THSD7A: variants seen among roughly 807,000 people sequenced by gnomAD.
THSD7A encodes the protein thrombospondin type-1 domain-containing protein 7A.
In THSD7A, 96 loss-of-function variants were observed where a neutral mutation model predicts 231.3. The ratio of observed to expected loss-of-function variants is 0.41; its 90% CI spans 0.35 to 0.49. The LOEUF is 0.49. Among genes scored for constraint, THSD7A ranks in the 20% least tolerant of loss-of-function variants. The pLI is 0.05. For synonymous variants in THSD7A, 940 were observed against 743.3 expected, an observed-to-expected ratio of 1.26 and a Z score of -4.30; for missense variants, 2,290 against 2,070.2, an observed-to-expected ratio of 1.11 and a Z score of -2.06.
chr7:11,716,548 G>A (rs1216670866), intron 1 of THSD7A, among the ~76,000 whole-genome samples: 1 of 151,496 alleles, frequency 6.6e-6, no homozygotes, highest in African/African-American at 2.4e-5. Context: ...TGGTAACTTG[G>A]AACTCAGCTC....
chr7:11,447,109 A>G, intron 12 of THSD7A, 121 bp downstream of exon 12: 1 of 915,112 alleles, frequency 1.1e-6, no homozygotes, highest in Non-Finnish European at 1.6e-6. Context: ...AATTTAAAAT[A>G]TACATCTAAA....
At chr7:11,503,450 T>C (rs1402974492) in intron 6 of THSD7A, among the ~76,000 whole-genome samples, 1 of 152,026 alleles carries the variant, frequency 6.6e-6, no homozygotes, top group Non-Finnish European at 1.5e-5. Context: ...AAGCAAACAT[T>C]GACAAATGGG....
intron 1 of THSD7A, among the ~76,000 whole-genome samples, chr7:11,642,844 A>T (rs892447198): frequency 2.0e-5 from 3 of 152,042 alleles, no homozygotes; most frequent in African/African-American, 7.2e-5. Context: ...TATCCTCTTG[A>T]TATCGTTCAA....
chr7:11,469,063 T>C (rs1376668511), intron 9 of THSD7A, among the ~76,000 whole-genome samples: 2 of 152,130 alleles, frequency 1.3e-5, no homozygotes, highest in Admixed American at 6.6e-5. Flanking sequence ...AAGCTAGAAG[T>C]TGACTCTTAA....
At chr7:11,416,652 T>C (rs1783969091) in intron 17 of THSD7A, among the ~76,000 whole-genome samples, 1 of 152,228 alleles carries the variant, frequency 6.6e-6, no homozygotes, top group Non-Finnish European at 1.5e-5. Context: ...TTTGAAATGG[T>C]TTTATATTGT....
intron 4 of THSD7A, among the ~76,000 whole-genome samples, chr7:11,584,570 A>G (rs912650251): frequency 6.6e-6 from 1 of 152,170 alleles, no homozygotes; most frequent in Non-Finnish European, 1.5e-5. Flanking sequence ...AGTTATCTTC[A>G]GGCAAATAAA....
chr7:11,591,343 A>T (rs1780156927), intron 3 of THSD7A, among the ~76,000 whole-genome samples: 1 of 152,050 alleles, frequency 6.6e-6, no homozygotes, highest in African/African-American at 2.4e-5. Flanking sequence ...ATTGAAGGAG[A>T]TAGCTAGGGA....
intron 23 of THSD7A, among the ~76,000 whole-genome samples, chr7:11,399,033 C>T (rs1024036412): frequency 6.6e-6 from 1 of 152,156 alleles, no homozygotes; most frequent in Non-Finnish European, 1.5e-5. Flanking sequence ...TTACCAAAGT[C>T]ATGTGAAAAC....
chr7:11,706,381 C>CA (rs146574106), intron 1 of THSD7A, among the ~76,000 whole-genome samples: 2 of 150,222 alleles, frequency 1.3e-5, no homozygotes, highest in South Asian at 4.2e-4. Context: ...TTGCAAGTGG[C>CA]AAAAAAACAT....
intron 6 of THSD7A, among the ~76,000 whole-genome samples, chr7:11,532,800 T>C (rs956935507): frequency 6.6e-6 from 1 of 152,176 alleles, no homozygotes; most frequent in African/African-American, 2.4e-5. Context: ...AATAATTCAA[T>C]GTGCAATTGG....
intron 1 of THSD7A, among the ~76,000 whole-genome samples, chr7:11,799,336 C>T (rs1051009745): frequency 6.6e-6 from 1 of 152,150 alleles, no homozygotes; most frequent in Non-Finnish European, 1.5e-5. Flanking sequence ...AGTGGAGAAA[C>T]TTCTTTAGCA....
At chr7:11,631,016 C>T (rs917960131) in intron 2 of THSD7A, among the ~76,000 whole-genome samples, 2 of 152,194 alleles carry the variant, frequency 1.3e-5, no homozygotes, top group African/African-American at 4.8e-5. Context: ...CAGAAAATAA[C>T]ATTTCTGCTT....
At chr7:11,423,827 A>G (rs1205091876) in intron 16 of THSD7A, among the ~76,000 whole-genome samples, 1 of 152,158 alleles carries the variant, frequency 6.6e-6, no homozygotes, top group African/African-American at 2.4e-5. Flanking sequence ...AACCTCGTGC[A>G]TTTGTTTCAT....
chr7:11,397,813 T>C (rs1210746391), intron 23 of THSD7A, among the ~76,000 whole-genome samples: 11 of 152,150 alleles, frequency 7.2e-5, no homozygotes, highest in Non-Finnish European at 1.5e-4. Flanking sequence ...TCATCAACAC[T>C]GGTCATTAGA....
At chr7:11,574,001 T>C (rs73059826) in intron 4 of THSD7A, among the ~76,000 whole-genome samples, 360 of 152,306 alleles carry the variant, frequency 2.4e-3, no homozygotes, top group Non-Finnish European at 4.0e-3. Flanking sequence ...AACATGTATT[T>C]TGTCATTTTA....
intron 1 of THSD7A, among the ~76,000 whole-genome samples, chr7:11,750,642 C>T (rs980477164): frequency 3.3e-5 from 5 of 151,928 alleles, no homozygotes; most frequent in African/African-American, 9.7e-5. Context: ...CGCAGGTTGT[C>T]TGCACGGGGA....
chr7:11,715,686 T>G (rs1443410700), intron 1 of THSD7A, among the ~76,000 whole-genome samples: 2 of 151,440 alleles, frequency 1.3e-5, no homozygotes, highest in Non-Finnish European at 3.0e-5. Flanking sequence ...ACAGCGTTAT[T>G]TGAATTAGAG....
chr7:11,768,734 T>G (rs1783109467), intron 1 of THSD7A, among the ~76,000 whole-genome samples: 1 of 152,144 alleles, frequency 6.6e-6, no homozygotes, highest in South Asian at 2.1e-4. Context: ...TAAGGACAAT[T>G]TATTCTACGT....
At chr7:11,526,572 A>C (rs2128317987) in intron 6 of THSD7A, among the ~76,000 whole-genome samples, 1 of 152,340 alleles carries the variant, frequency 6.6e-6, no homozygotes, top group South Asian at 2.1e-4. Context: ...AGCAGGCATA[A>C]CCATGTGCCT....
Sources: allele counts gnomAD v4.1 joint callset (sites outside exome capture counted in the v4.1 genomes callset), GRCh38; gene constraint gnomAD v4.1.1; transcripts MANE v1.5; gene names NCBI Gene and HGNC (gene_info 2026-07-23, HGNC 2026-07-21).